Variants in LRRC19 observed in about 807,000 individuals in gnomAD.
LRRC19 encodes the protein leucine-rich repeat-containing protein 19.
Under a neutral mutation model 33.3 loss-of-function variants are expected in LRRC19, and 33 were observed. The ratio of observed to expected loss-of-function variants is 0.99; its 90% CI spans 0.75 to 1.33. LRRC19 has a LOEUF of 1.33. Among genes scored for constraint, LRRC19 ranks in the 40% most tolerant of loss-of-function variants. The probability of loss-of-function intolerance (pLI) is 0.00; values close to 1 mark genes in which losing one functional copy is unlikely to be tolerated. For missense variants in LRRC19, 463 were observed against 417.3 expected, an observed-to-expected ratio of 1.11 and a Z score of -0.95; for synonymous variants, 184 against 152.3, an observed-to-expected ratio of 1.21 and a Z score of -1.53.
rs769074764 is a variant in LRRC19, at chr9:26,998,095, TG to T, written c.227del (p.Thr76LysfsTer5). On this transcript the variant is annotated frameshift_variant, in exon 3 of 5. Transcript: ENST00000380055. LOFTEE classifies it high-confidence loss of function. ...TRVLQTYFLL[T>X]ELYLIENKVT... ...CCTTGTTCTCAATCAAATAGAGCTC[TG>T]TGAGTAAAAAGTATGTCTGTAGAAC... 3.0e-5 allele frequency: 48 copies of T among 1,613,274 alleles called. No homozygotes were observed. Among genetic ancestry groups the T allele is most frequent in the Non-Finnish European group, 4.1e-5 (48 of 1,179,580 alleles).
chr9:27,004,571 A>G (rs1364671416), intron 1 of LRRC19, among the ~76,000 whole-genome samples: 2 of 152,222 alleles, frequency 1.3e-5, no homozygotes, highest in Non-Finnish European at 2.9e-5. Context: ...AAAATCAGAT[A>G]CGCAGAATAG....
intron 1 of LRRC19, among the ~76,000 whole-genome samples, chr9:27,003,919 C>T (rs189164180): frequency 1.2e-3 from 176 of 152,286 alleles, no homozygotes; most frequent in African/African-American, 3.9e-3. Context: ...TGTTCAGCTC[C>T]TTCAATGGCT....
Position 26,998,141 on chromosome 9 carries a change from A to G in LRRC19, c.182T>C (p.Leu61Pro), listed in dbSNP as rs1563961095. ...ILDLSYNQIT[L>P]NGTDTRVLQT... ...TAGAACTCTTGTGTCTGTACCATTA[A>G]GAGTAATTTGGTTATAACTGAGATC... Residue 61 changes from leucine to proline, a missense_variant, in exon 3 of 5, where the codon CTT (leucine) becomes CCT (proline). Transcript: ENST00000380055. 2 of 1,610,688 alleles carry G rather than the reference A, an allele frequency of 1.2e-6. No homozygotes were observed. Among genetic ancestry groups the G allele is most frequent in the Admixed American group, 1.7e-5 (1 of 59,866 alleles).
In LRRC19 at chr9:26,995,249, T is replaced by C; in HGVS notation, c.*272A>G. 1 of 235,786 alleles carries C rather than the reference T, an allele frequency of 4.2e-6. No homozygotes were observed. Among genetic ancestry groups the C allele is most frequent in the African/African-American group, 2.2e-5 (1 of 45,112 alleles). 14.6% of individuals were successfully genotyped at this position (235,786 alleles called of 1,614,324 possible). ...TTAATTCATGAATAATTTAGACCTT[T>C]TTACTAGTTCGTATGGTCACCCAAG... On this transcript the variant is annotated 3_prime_UTR_variant, in exon 5 of 5. Transcript: ENST00000380055.
rs1425518640 is a variant in LRRC19, at chr9:26,998,163, G to C, written c.160C>G (p.Leu54Val). The part of the protein sequence containing the change: ...DIKKDVTILD[L>V]SYNQITLNGT... ...TTAAGAGTAATTTGGTTATAACTGA[G>C]ATCAAGTATAGTAACATCTTTCTTG... Residue 54 changes from leucine to valine, a missense_variant, in exon 3 of 5, where the codon CTC becomes GTC. Transcript: ENST00000380055. The C allele has an allele frequency of 6.3e-7, 1 of 1,597,960 alleles. No homozygotes were observed. Among genetic ancestry groups the C allele is most frequent in the East Asian group, 2.2e-5 (1 of 44,650 alleles).
At position 26,997,234 on chromosome 9, in the gene LRRC19, A is replaced by AT. The variant is rs201419518; in HGVS notation, c.595+493dup. Among the ~76,000 whole-genome samples, 501 of 149,152 alleles carry AT rather than the reference A, an allele frequency of 3.4e-3. 23 individuals carry two copies. In the East Asian group the frequency reaches 0.082, roughly 24 times the overall value. On this transcript the variant is annotated intron_variant, in intron 3 of 4. Coordinates refer to ENST00000380055, the MANE Select transcript of LRRC19 (RefSeq NM_022901.3). ...TCTCAAAAAAAAAAAAAATTTCTTAATTTTTCCCCCTGGTAATGGGGAAGG... is the reference window on the plus strand; with the variant it reads ...TCTCAAAAAAAAAAAAAATTTCTTAATTTTTTCCCCCTGGTAATGGGGAAGG...
chr9:27,005,268 AT>A (rs978676676), intron 1 of LRRC19, among the ~76,000 whole-genome samples: 10 of 148,388 alleles, frequency 6.7e-5, no homozygotes, highest in African/African-American at 2.5e-4. Context: ...TGGCTTTTAG[AT>A]TAGTGTCACT....
chr9:26,999,990 C>T (rs1454343016), intron 1 of LRRC19, among the ~76,000 whole-genome samples: 1 of 152,010 alleles, frequency 6.6e-6, no homozygotes, highest in Non-Finnish European at 1.5e-5. Context: ...AGCCTGGTAT[C>T]AAACTCCTGG....
intron 1 of LRRC19, among the ~76,000 whole-genome samples, chr9:27,004,302 T>C (rs1161542601): frequency 6.6e-6 from 1 of 152,196 alleles, no homozygotes; most frequent in Non-Finnish European, 1.5e-5. Flanking sequence ...TTCCTTTCCA[T>C]TGGATAGATC....
intron 4 of LRRC19, 137 bp downstream of exon 4, chr9:26,996,173 CA>C: frequency 1.7e-6 from 1 of 602,196 alleles, no homozygotes; most frequent in Non-Finnish European, 2.6e-6. Context: ...TTTGGAAGAG[CA>C]ATATTTTGTA....
chr9:26,998,713 G>C (rs553737957), intron 2 of LRRC19, among the ~76,000 whole-genome samples: 15 of 152,234 alleles, frequency 9.9e-5, no homozygotes, highest in African/African-American at 3.4e-4. Context: ...GCTGGGCATG[G>C]TGGCTCACGC....
rs745737604 is a variant in LRRC19, at chr9:26,995,745, A to C, written c.889T>G (p.Tyr297Asp). The C allele has an allele frequency of 1.9e-6, 3 of 1,613,858 alleles. No homozygotes were observed. In the South Asian group the frequency reaches 3.3e-5, roughly 18 times the overall value. The change falls in exon 5 of 5, where the codon TAC becomes GAC. Residue 297 changes from tyrosine (Y) to aspartate (D), a missense_variant. By Grantham distance (160) the Tyr-to-Asp change is radical (BLOSUM62 -3). Coordinates refer to ENST00000380055, the MANE Select transcript of LRRC19 (RefSeq NM_022901.3). ...IFIAIKCPIW[Y>D]NILLSYNHHR... ...TGATTATAACTAAGCAGAATATTGT[A>C]CCATATTGGGCATTTGATAGCAATA...
intron 1 of LRRC19, among the ~76,000 whole-genome samples, chr9:27,004,096 A>T (rs1828650653): frequency 1.3e-5 from 2 of 152,196 alleles, no homozygotes; most frequent in African/African-American, 4.8e-5. Flanking sequence ...AATGAACTAG[A>T]TTTAAGTTAA....
chr9:26,998,041 A>G lies in LRRC19; in HGVS notation c.282T>C (p.Gly94=), dbSNP rs371939450. 4.3e-6 allele frequency: 7 copies of G among 1,613,642 alleles called. No individual in the cohort carries two copies. Among genetic ancestry groups the G allele is most frequent in the Non-Finnish European group, 5.9e-6 (7 of 1,179,790 alleles). Residue 94 remains glycine, a synonymous_variant, in exon 3 of 5, where the codon GGT becomes GGC. Transcript: ENST00000380055. ...TTAAAATTTCTAGACTGGAGAGGTT[A>G]CCAAAACCGTTATTATGTAAGATAG... ...KVTILHNNGF[G]NLSSLEILNI...
Position 26,994,296 on chromosome 9 carries a change from T to G in LRRC19, c.*1225A>C, listed in dbSNP as rs1489475560. ...CTCCATGCCTGTAATCCCAGCACTTTGGGAGGCCGAGGCGGGTAGATCATG... is the reference window on the plus strand; with the variant it reads ...CTCCATGCCTGTAATCCCAGCACTTGGGGAGGCCGAGGCGGGTAGATCATG... On this transcript the variant is annotated 3_prime_UTR_variant, in exon 5 of 5. Coordinates refer to ENST00000380055, the MANE Select transcript of LRRC19 (RefSeq NM_022901.3). 6.6e-6 allele frequency: 1 copy of G among 152,110 alleles called. No individual in the cohort carries two copies. Among genetic ancestry groups the G allele is most frequent in the African/African-American group, 2.4e-5 (1 of 41,402 alleles). 9.4% of individuals were successfully genotyped at this position (152,110 alleles called of 1,614,324 possible). A position where few individuals can be genotyped will look rare whatever the true frequency, so the allele number is the denominator to read the frequency against.
chr9:26,996,885 G>T (rs546037092), intron 3 of LRRC19, among the ~76,000 whole-genome samples: 21 of 152,228 alleles, frequency 1.4e-4, no homozygotes, highest in Admixed American at 1.2e-3. Context: ...AACAATACAT[G>T]AAATGACATT....
rs41272237 is a variant in LRRC19 at position 26,995,789 on chromosome 9, G to A, written c.845C>T (p.Thr282Met). Residue 282 changes from threonine to methionine, a missense_variant, in exon 5 of 5, where the codon ACG (threonine) becomes ATG (methionine). Thr to Met is a moderately conservative substitution (Grantham distance 81). Transcript: ENST00000380055. ...FLVGVVVTVL[T>M]TSLLIFIAIK... ...AGCAATAAAAATGAGAAGTGAAGTC[G>A]TCAGTACAGTGACAACAACACCAAC... 89,337 of 1,613,520 alleles carry A rather than the reference G, an allele frequency of 0.055. 3,048 individuals are homozygous for A. Among genetic ancestry groups the A allele is most frequent in the Middle Eastern group, 0.13 (806 of 6,054 alleles).
chr9:26,993,353 C>A lies in LRRC19; in HGVS notation c.*2168G>T, dbSNP rs977297422. 6.6e-6 allele frequency: 1 copy of A among 152,178 alleles called. No individual in the cohort carries two copies. The highest frequency in any genetic ancestry group is 2.4e-5 in the African/African-American group (1 of 41,404). 9.4% of individuals were successfully genotyped at this position (152,178 alleles called of 1,614,324 possible). A position where few individuals can be genotyped will look rare whatever the true frequency, so the allele number is the denominator to read the frequency against. On this transcript the variant is annotated 3_prime_UTR_variant, in exon 5 of 5. Transcript: ENST00000380055. ...ATATTTTATGTTCCTATAATCATCT[C>A]ATTCTTATAATTAAGGTTTAAAACA...
chr9:26,997,630 G>T, intron 3 of LRRC19, 98 bp downstream of exon 3: 1 of 1,315,848 alleles, frequency 7.6e-7, no homozygotes, highest in Non-Finnish European at 1.0e-6. Context: ...CACTGCGCCT[G>T]GCTGCTTCCT....
Sources: allele counts gnomAD v4.1 joint callset (sites outside exome capture counted in the v4.1 genomes callset), GRCh38; gene constraint gnomAD v4.1.1; transcripts MANE v1.5; gene names NCBI Gene and HGNC (gene_info 2026-07-23, HGNC 2026-07-21).